HDAC9: variants seen among roughly 807,000 people sequenced by gnomAD.
HDAC9 encodes MEF-2 interacting transcription repressor (MITR) protein.
In HDAC9, 41 loss-of-function variants were observed where a neutral mutation model predicts 139.4. The ratio of observed to expected loss-of-function variants is 0.29; its 90% CI spans 0.23 to 0.38. The LOEUF (loss-of-function observed/expected upper bound fraction) is 0.38, where lower values mean the gene tolerates loss of function less well. HDAC9 is among the 10% of genes least tolerant of loss of function. The pLI is 1.00. For synonymous variants in HDAC9, 517 were observed against 476.2 expected, an observed-to-expected ratio of 1.09 and a Z score of -1.12; for missense variants, 1,147 against 1,297.0, an observed-to-expected ratio of 0.88 and a Z score of 1.78.
chr7:18,838,588 C>T (rs1164085591), intron 21 of HDAC9, among the ~76,000 whole-genome samples: 3 of 151,978 alleles, frequency 2.0e-5, no homozygotes, highest in Non-Finnish European at 4.4e-5. Flanking sequence ...TGTATATACT[C>T]CTTTGTCAAT....
At chr7:18,305,203 G>A (rs529128040) in intron 1 of HDAC9, among the ~76,000 whole-genome samples, 1 of 151,912 alleles carries the variant, frequency 6.6e-6, no homozygotes, top group Non-Finnish European at 1.5e-5. Context: ...GTTTTTACTG[G>A]CACACTGTGT....
chr7:18,173,780 C>T (rs1378732110), intron 2 of HDAC9, among the ~76,000 whole-genome samples: 1 of 152,174 alleles, frequency 6.6e-6, no homozygotes, highest in Non-Finnish European at 1.5e-5. Context: ...CCCCCACTCT[C>T]TTCTGGCTTG....
At chr7:18,498,599 A>G (rs919508284) in intron 2 of HDAC9, among the ~76,000 whole-genome samples, 2 of 152,068 alleles carry the variant, frequency 1.3e-5, no homozygotes, top group Non-Finnish European at 2.9e-5. Flanking sequence ...ATAGGCTTAG[A>G]AGCAGAGTCT....
chr7:18,961,509 T>G (rs1414200385), intron 24 of HDAC9, among the ~76,000 whole-genome samples: 1 of 152,172 alleles, frequency 6.6e-6, no homozygotes, highest in African/African-American at 2.4e-5. Context: ...GACACTTTGC[T>G]GATAGAAAGT....
At chr7:18,203,575 C>T (rs915969157) in intron 2 of HDAC9, among the ~76,000 whole-genome samples, 1 of 152,024 alleles carries the variant, frequency 6.6e-6, no homozygotes, top group African/African-American at 2.4e-5. Context: ...TAGGCAAATT[C>T]CATCATGAAA....
At chr7:18,815,972 G>T (rs1280817328) in intron 17 of HDAC9, among the ~76,000 whole-genome samples, 1 of 152,182 alleles carries the variant, frequency 6.6e-6, no homozygotes, top group Admixed American at 6.5e-5. Context: ...TTTTTATAAG[G>T]TCTTTTGTAA....
At chr7:18,726,026 G>A (rs914854450) in intron 12 of HDAC9, among the ~76,000 whole-genome samples, 41 of 152,242 alleles carry the variant, frequency 2.7e-4, no homozygotes, top group African/African-American at 9.4e-4. Flanking sequence ...ATACACATTA[G>A]TTATAACCTA....
intron 22 of HDAC9, among the ~76,000 whole-genome samples, chr7:18,898,189 G>T (rs1433049818): frequency 6.6e-6 from 1 of 151,196 alleles, no homozygotes; most frequent in East Asian, 1.9e-4. Context: ...TTTAACATTG[G>T]GGAAGCATTC....
chr7:18,204,108 A>G (rs971550282), intron 2 of HDAC9, among the ~76,000 whole-genome samples: 1 of 152,168 alleles, frequency 6.6e-6, no homozygotes, highest in Admixed American at 6.6e-5. Context: ...GACCTCCATT[A>G]GTGGGGAAAG....
chr7:18,780,732 G>T (rs2520345), intron 16 of HDAC9, among the ~76,000 whole-genome samples: 115,264 of 151,866 alleles, frequency 0.76, 44,516 homozygotes, highest in Non-Finnish European at 0.83. Context: ...AGGATTCTTT[G>T]GTTCTCATCC....
chr7:18,218,413 C>T (rs1178377), intron 2 of HDAC9, among the ~76,000 whole-genome samples: 5,829 of 152,114 alleles, frequency 0.038, 149 homozygotes, highest in African/African-American at 0.061. Context: ...CACTGCACTC[C>T]AGCCTGGGAG....
intron 22 of HDAC9, chr7:18,906,896 T>C (rs979035786): frequency 1.3e-5 from 2 of 152,250 alleles, no homozygotes; most frequent in Non-Finnish European, 2.9e-5. Flanking sequence ...CATAAGGTTT[T>C]TAAGCCCTGG....
chr7:18,545,668 G>A (rs1814557319), intron 2 of HDAC9, among the ~76,000 whole-genome samples: 1 of 152,296 alleles, frequency 6.6e-6, no homozygotes, highest in South Asian at 2.1e-4. Context: ...TGCTACAAGT[G>A]TGAGGTGCGA....
chr7:18,876,389 G>T (rs1799321838), intron 22 of HDAC9, among the ~76,000 whole-genome samples: 1 of 152,088 alleles, frequency 6.6e-6, no homozygotes, highest in Admixed American at 6.5e-5. Context: ...TATGTTCTCT[G>T]CTAGGTGCCT....
intron 2 of HDAC9, among the ~76,000 whole-genome samples, chr7:18,208,523 G>A (rs1023445675): frequency 1.3e-5 from 2 of 151,774 alleles, no homozygotes; most frequent in Non-Finnish European, 2.9e-5. Flanking sequence ...CTACAGGTTC[G>A]CACCACCACA....
chr7:18,152,827 AG>A (rs1786884942), intron 1 of HDAC9, among the ~76,000 whole-genome samples: 1 of 152,248 alleles, frequency 6.6e-6, no homozygotes. Context: ...AAGTTAGAAA[AG>A]TCAATACTAA....
intron 2 of HDAC9, among the ~76,000 whole-genome samples, chr7:18,235,461 C>A (rs557259454): frequency 6.6e-6 from 1 of 152,278 alleles, no homozygotes; most frequent in Admixed American, 6.5e-5. Flanking sequence ...AAGAGATGTA[C>A]ACAGTTGGGT....
intron 22 of HDAC9, among the ~76,000 whole-genome samples, chr7:18,918,656 T>G (rs1259017208): frequency 1.3e-5 from 2 of 152,030 alleles, no homozygotes; most frequent in Non-Finnish European, 2.9e-5. Flanking sequence ...TCTTGGGTAA[T>G]GCATTCATAA....
chr7:18,689,374 A>G (rs567012943), intron 12 of HDAC9, among the ~76,000 whole-genome samples: 2 of 152,116 alleles, frequency 1.3e-5, no homozygotes, highest in South Asian at 4.1e-4. Context: ...TTCTAGTAGG[A>G]TATGGCTAAG....
Sources: gnomAD v4.1 joint callset for allele counts (sites outside exome capture counted in the v4.1 genomes callset) on GRCh38, gnomAD v4.1.1 for gene constraint, MANE v1.5 for transcripts, NCBI Gene and HGNC (gene_info 2026-07-23, HGNC 2026-07-21) for gene names.